The following XPO6 variants were observed in gnomAD, a reference collection of about 807,000 sequenced individuals.
XPO6 encodes the protein exportin 6.
XPO6 carries 3 observed loss-of-function variants against 130.0 expected under a neutral mutation model. That is an observed-to-expected ratio of 0.02 (90% CI 0.01 to 0.06). The LOEUF is 0.06. Ranked by LOEUF, XPO6 falls within the 10% of genes least tolerant of loss-of-function variation. XPO6 has a pLI of 1.00. For synonymous variants in XPO6, 524 were observed against 548.9 expected, an observed-to-expected ratio of 0.95 and a Z score of 0.63; for missense variants, 970 against 1,393.0, an observed-to-expected ratio of 0.70 and a Z score of 4.83.
intron 4 of XPO6, among the ~76,000 whole-genome samples, chr16:28,173,557 A>G (rs2043489394): frequency 6.6e-6 from 1 of 152,222 alleles, no homozygotes; most frequent in Non-Finnish European, 1.5e-5. Flanking sequence ...AGCCTAGGCA[A>G]CATAGTGAGA....
At chr16:28,171,678 C>T (rs916088249) in intron 4 of XPO6, among the ~76,000 whole-genome samples, 7 of 152,260 alleles carry the variant, frequency 4.6e-5, no homozygotes, top group African/African-American at 1.7e-4. Flanking sequence ...ATTCAGGTCT[C>T]TTGAACACTA....
At chr16:28,149,665 T>G (rs2043051121) in intron 8 of XPO6, among the ~76,000 whole-genome samples, 1 of 152,186 alleles carries the variant, frequency 6.6e-6, no homozygotes, top group African/African-American at 2.4e-5. Context: ...CCACCTAGCC[T>G]ACTTGTGTGA....
chr16:28,109,592 C>A (rs1309476703), intron 17 of XPO6, among the ~76,000 whole-genome samples: 1 of 152,076 alleles, frequency 6.6e-6, no homozygotes, highest in African/African-American at 2.4e-5. Flanking sequence ...AACAATCAGG[C>A]AAAACAAGAC....
At chr16:28,112,306 C>G (rs2086944774) in intron 16 of XPO6, among the ~76,000 whole-genome samples, 1 of 152,200 alleles carries the variant, frequency 6.6e-6, no homozygotes, top group Non-Finnish European at 1.5e-5. Flanking sequence ...CACTGAATCT[C>G]AGGCATTGTT....
At chr16:28,138,124 G>A (rs245733) in intron 9 of XPO6, among the ~76,000 whole-genome samples, 43,608 of 152,006 alleles carry the variant, frequency 0.29, 6,369 homozygotes, top group Middle Eastern at 0.33. Context: ...AATCTGCAAC[G>A]TCTGTGGGAA....
intron 15 of XPO6, 49 bp from the exon 16 acceptor site, chr16:28,113,099 G>A: frequency 1.5e-5 from 23 of 1,582,312 alleles, no homozygotes; most frequent in Non-Finnish European, 2.0e-5. Context: ...TGTAAGACTG[G>A]GATTCGAACT....
At chr16:28,156,037 T>C in intron 7 of XPO6, 37 bp downstream of exon 7, 2 of 1,559,824 alleles carry the variant, frequency 1.3e-6, no homozygotes, top group Non-Finnish European at 1.7e-6. Flanking sequence ...CAGGGCCCTT[T>C]CTTGGGGCAC....
chr16:28,153,115 G>GTCATT, intron 7 of XPO6: 9 of 1,033,094 alleles, frequency 8.7e-6, no homozygotes, highest in Non-Finnish European at 1.0e-5. Flanking sequence ...AGATCACTGT[G>GTCATT]TCATTTCAAT....
Position 28,174,358 on chromosome 16 carries a change from A to G in XPO6, c.405+1540T>C, listed in dbSNP as rs111238402. Among the ~76,000 whole-genome samples, 541 of 152,214 alleles carry G rather than the reference A, an allele frequency of 3.6e-3. 5 individuals carry two copies. The highest frequency in any genetic ancestry group is 0.013 in the African/African-American group (523 of 41,526). The stretch of plus-strand genomic sequence containing the variant: ...ATCCCATCTAAACACAACCCCCGCT[A>G]GTTTCTTTCCCCTTCCCTGGATTGA... On this transcript the variant is annotated intron_variant, in intron 4 of 23. Coordinates refer to ENST00000304658, the MANE Select transcript of XPO6 (RefSeq NM_015171.4).
intron 17 of XPO6, among the ~76,000 whole-genome samples, chr16:28,109,983 A>T (rs561136630): frequency 6.6e-6 from 1 of 152,242 alleles, no homozygotes; most frequent in Non-Finnish European, 1.5e-5. Context: ...CAATTAGTGA[A>T]TCTGGGTGAG....
chr16:28,156,045 C>T lies in XPO6; in HGVS notation c.1097+29G>A, dbSNP rs377508418. 462 of 1,565,896 alleles carry T rather than the reference C, an allele frequency of 3.0e-4. 1 individual carries two copies. Among genetic ancestry groups the T allele is most frequent in the Middle Eastern group, 1.6e-3 (9 of 5,616 alleles). On this transcript the variant is annotated intron_variant, in intron 7 of 23. Transcript: ENST00000304658. Reference sequence around the variant, plus strand: ...AAACAGTCAGGGCCCTTTCTTGGGGCACACCAGCTCCACACTTGGTTTCAT... The same window carrying T: ...AAACAGTCAGGGCCCTTTCTTGGGGTACACCAGCTCCACACTTGGTTTCAT...
At chr16:28,157,291 T>C (rs1477343230) in intron 6 of XPO6, among the ~76,000 whole-genome samples, 1 of 152,036 alleles carries the variant, frequency 6.6e-6, no homozygotes, top group African/African-American at 2.4e-5. Flanking sequence ...ACCCTGTCTC[T>C]AGTAAAATAC....
intron 13 of XPO6, 31 bp downstream of exon 13, chr16:28,125,658 G>C (rs765295693): frequency 2.5e-6 from 4 of 1,603,262 alleles, no homozygotes; most frequent in African/African-American, 1.3e-5. Context: ...TCTGAAGAAG[G>C]AACAGCTCCA....
intron 17 of XPO6, among the ~76,000 whole-genome samples, chr16:28,110,912 A>G (rs1329393629): frequency 6.6e-6 from 1 of 152,238 alleles, no homozygotes; most frequent in African/African-American, 2.4e-5. Flanking sequence ...TACCCTCAAT[A>G]TGTCAGCTAC....
At chr16:28,110,048 T>C (rs1189744713) in intron 17 of XPO6, among the ~76,000 whole-genome samples, 1 of 135,194 alleles carries the variant, frequency 7.4e-6, no homozygotes, top group African/African-American at 3.1e-5. Context: ...GGTTTGGAAT[T>C]TTTTTTTTTC....
intron 1 of XPO6, among the ~76,000 whole-genome samples, chr16:28,206,052 A>AAAC (rs1300051891): frequency 1.3e-5 from 2 of 151,134 alleles, no homozygotes; most frequent in Admixed American, 6.6e-5. Context: ...AAAAAAAAAA[A>AAAC]AACTGCCTCT....
chr16:28,121,597 C>T, intron 14 of XPO6, 73 bp downstream of exon 14: 3 of 1,147,472 alleles, frequency 2.6e-6, no homozygotes, highest in African/African-American at 1.5e-5. Flanking sequence ...GTTCCTTTTT[C>T]TCAATCAAAT....
rs372299249 is a variant in XPO6 at position 28,114,759 on chromosome 16, G to A, written c.2005-1709C>T. Among the ~76,000 whole-genome samples the A allele has an allele frequency of 3.9e-5, 6 of 152,240 alleles. No individual in the cohort carries two copies. In the East Asian group the frequency reaches 5.8e-4, roughly 15 times the overall value. Reference sequence around the variant, plus strand: ...ACTTCCTTTCATGAAATATTTCTCTGGAGCATGCGGTGCCGTTTCATAGCA... The same window carrying A: ...ACTTCCTTTCATGAAATATTTCTCTAGAGCATGCGGTGCCGTTTCATAGCA... On this transcript the variant is annotated intron_variant, in intron 15 of 23. Transcript: ENST00000304658.
intron 6 of XPO6, among the ~76,000 whole-genome samples, chr16:28,161,668 C>G (rs2043281035): frequency 6.6e-6 from 1 of 152,104 alleles, no homozygotes. Context: ...ATACTGAAAA[C>G]TATATATGCA....
Sources: allele counts gnomAD v4.1 joint callset (sites outside exome capture counted in the v4.1 genomes callset), GRCh38; gene constraint gnomAD v4.1.1; transcripts MANE v1.5; gene names NCBI Gene and HGNC (gene_info 2026-07-23, HGNC 2026-07-21).